The following SOX6 variants were observed in gnomAD, a reference collection of about 807,000 sequenced individuals.
SOX6 encodes SRY-box transcription factor 6.
In SOX6, 11 loss-of-function variants were observed where a neutral mutation model predicts 97.8. That is an observed-to-expected ratio of 0.11 (90% CI 0.07 to 0.19). The LOEUF is 0.19. Among genes scored for constraint, SOX6 ranks in the 10% least tolerant of loss-of-function variants. SOX6 has a pLI of 1.00. For missense variants in SOX6, 810 were observed against 1,039.5 expected (o/e 0.78, Z 3.04); for synonymous variants, 360 against 371.4 (o/e 0.97, Z 0.35).
At chr11:16,315,690 T>C (rs1320615244) in intron 3 of SOX6, 1 of 152,194 alleles carries the variant, frequency 6.6e-6, no homozygotes, top group Non-Finnish European at 1.5e-5. Context: ...TCATAACTTC[T>C]TGTCACTGAT....
At chr11:16,539,158 G>C (rs1861360653) in intron 4 of SOX6, among the ~76,000 whole-genome samples, 2 of 152,132 alleles carry the variant, frequency 1.3e-5, no homozygotes, top group Admixed American at 1.3e-4. Flanking sequence ...TTAGAACTCA[G>C]GATTAAGAAA....
chr11:16,362,478 A>C (rs1857234450), intron 1 of SOX6, among the ~76,000 whole-genome samples: 1 of 152,186 alleles, frequency 6.6e-6, no homozygotes, highest in African/African-American at 2.4e-5. Flanking sequence ...GACTCAATTC[A>C]GGGAAAATGC....
At chr11:16,051,362 T>C (rs943365060) in intron 10 of SOX6, among the ~76,000 whole-genome samples, 1 of 152,128 alleles carries the variant, frequency 6.6e-6, no homozygotes, top group African/African-American at 2.4e-5. Flanking sequence ...AATTCTAATT[T>C]ATTGGACTCC....
intron 4 of SOX6, among the ~76,000 whole-genome samples, chr11:16,507,273 A>G (rs1007803952): frequency 6.6e-6 from 1 of 152,000 alleles, no homozygotes; most frequent in South Asian, 2.1e-4. Flanking sequence ...TTCTTTGTAG[A>G]TTTCCCAATT....
intron 3 of SOX6, among the ~76,000 whole-genome samples, chr11:16,251,713 A>T (rs1486746883): frequency 6.6e-6 from 1 of 152,062 alleles, no homozygotes; most frequent in Non-Finnish European, 1.5e-5. Flanking sequence ...TATCCAACTC[A>T]TGTTAGGGGA....
chr11:16,270,069 C>A (rs1013410033), intron 3 of SOX6: 1 of 151,170 alleles, frequency 6.6e-6, no homozygotes, highest in African/African-American at 2.4e-5. Flanking sequence ...GTATTTTGTC[C>A]TGTTAATAAA....
chr11:16,134,384 AGGAAAGCC>A (rs576684233), intron 6 of SOX6, among the ~76,000 whole-genome samples: 1,827 of 152,342 alleles, frequency 0.012, 35 homozygotes, highest in African/African-American at 0.042. Flanking sequence ...GAGGGAAGTA[AGGAAAGCC>A]TTGAAAACTT....
chr11:16,105,974 C>T (rs1849070599), intron 7 of SOX6, among the ~76,000 whole-genome samples: 1 of 151,984 alleles, frequency 6.6e-6, no homozygotes, highest in African/African-American at 2.4e-5. Context: ...AAGAACTAAA[C>T]ACTTAGGGAT....
intron 3 of SOX6, among the ~76,000 whole-genome samples, chr11:16,688,168 C>T (rs538136089): frequency 6.6e-6 from 1 of 152,072 alleles, no homozygotes; most frequent in East Asian, 1.9e-4. Flanking sequence ...GAGATGAGGT[C>T]TTACTATGTT....
intron 15 of SOX6, among the ~76,000 whole-genome samples, chr11:15,973,734 G>A (rs891799674): frequency 6.6e-6 from 1 of 152,184 alleles, no homozygotes; most frequent in Admixed American, 6.5e-5. Flanking sequence ...GGCTGGAACT[G>A]GGGTTGGGAT....
chr11:16,356,903 A>G (rs1180159780), upstream of SOX6, among the ~76,000 whole-genome samples: 1 of 152,092 alleles, frequency 6.6e-6, no homozygotes, highest in Non-Finnish European at 1.5e-5. Context: ...AAATATCACA[A>G]GTTTTTCTGT....
At chr11:16,524,298 T>A (rs1193272709) in intron 4 of SOX6, among the ~76,000 whole-genome samples, 1 of 151,376 alleles carries the variant, frequency 6.6e-6, no homozygotes, top group Non-Finnish European at 1.5e-5. Flanking sequence ...GTGGGCTTCA[T>A]CCCTGGGATG....
intron 3 of SOX6, among the ~76,000 whole-genome samples, chr11:16,616,037 T>C (rs1218579726): frequency 6.6e-6 from 1 of 152,176 alleles, no homozygotes; most frequent in Non-Finnish European, 1.5e-5. Context: ...TCTGAGATAC[T>C]GTGTTATCTT....
intron 1 of SOX6, among the ~76,000 whole-genome samples, chr11:16,449,475 G>T (rs1432213429): frequency 2.0e-5 from 3 of 151,836 alleles, no homozygotes; most frequent in Non-Finnish European, 4.4e-5. Context: ...TGTATTTTTA[G>T]TGGAGACAGG....
At chr11:16,096,175 A>G in intron 8 of SOX6, 57 bp from the exon 9 acceptor site, 3 of 1,571,616 alleles carry the variant, frequency 1.9e-6, no homozygotes, top group Non-Finnish European at 2.6e-6. Flanking sequence ...GTCAGAACTC[A>G]TGAAACAGAA....
At chr11:16,158,212 G>A (rs1850651707) in intron 6 of SOX6, among the ~76,000 whole-genome samples, 1 of 151,878 alleles carries the variant, frequency 6.6e-6, no homozygotes, top group Admixed American at 6.6e-5. Context: ...AATGCATCTA[G>A]ACACTGTGCC....
intron 6 of SOX6, among the ~76,000 whole-genome samples, chr11:16,158,915 C>A (rs1275176103): frequency 6.7e-6 from 1 of 149,722 alleles, no homozygotes; most frequent in Non-Finnish European, 1.5e-5. Context: ...TGTTTGTTAT[C>A]TTTTTACAGA....
At chr11:16,198,720 C>T (rs1400742638) in intron 4 of SOX6, among the ~76,000 whole-genome samples, 1 of 152,130 alleles carries the variant, frequency 6.6e-6, no homozygotes, top group Non-Finnish European at 1.5e-5. Flanking sequence ...TTTAAAAGAT[C>T]ATTGCTTGTA....
chr11:16,580,907 C>T (rs1039737954), intron 4 of SOX6, among the ~76,000 whole-genome samples: 1 of 152,036 alleles, frequency 6.6e-6, no homozygotes, highest in African/African-American at 2.4e-5. Context: ...TACCATCTCA[C>T]GCCAGACAGA....
Sources: allele counts gnomAD v4.1 joint callset (sites outside exome capture counted in the v4.1 genomes callset), GRCh38; gene constraint gnomAD v4.1.1; transcripts MANE v1.5; gene names NCBI Gene and HGNC (gene_info 2026-07-23, HGNC 2026-07-21).